Variants in ZNF136 observed in about 807,000 individuals in gnomAD.
The protein encoded by ZNF136 is zinc finger protein 136, also known as zinc finger protein 136 (clone pHZ-20).
In ZNF136, 8 loss-of-function variants were observed where a neutral mutation model predicts 11.4. The observed-to-expected ratio is 0.70, with a 90% CI of 0.41 to 1.27. The LOEUF (loss-of-function observed/expected upper bound fraction) is 1.27. Ranked by LOEUF, ZNF136 falls within the 50% of genes most tolerant of loss-of-function variation. The pLI, the probability that ZNF136 is intolerant of heterozygous loss-of-function variation, is 0.01. For synonymous variants in ZNF136, 190 were observed against 207.1 expected, an observed-to-expected ratio of 0.92 and a Z score of 0.71; for missense variants, 590 against 656.5, an observed-to-expected ratio of 0.90 and a Z score of 1.11.
At chr19:12,167,896 G>A (rs903045856) in intron 1 of ZNF136, among the ~76,000 whole-genome samples, 3 of 152,066 alleles carry the variant, frequency 2.0e-5, no homozygotes, top group African/African-American at 7.2e-5. Flanking sequence ...CAGTTAAATA[G>A]ATATGGTCAT....
intron 1 of ZNF136, chr19:12,164,952 G>A (rs1341304697): frequency 2.0e-5 from 3 of 152,148 alleles, no homozygotes; most frequent in Non-Finnish European, 4.4e-5. Flanking sequence ...ATAGCCACGC[G>A]CTTATCAATG....
intron 1 of ZNF136, among the ~76,000 whole-genome samples, chr19:12,165,647 A>G (rs1259729214): frequency 6.6e-6 from 1 of 152,204 alleles, no homozygotes; most frequent in Non-Finnish European, 1.5e-5. Context: ...ATGATGCCAA[A>G]TCTTTGATGG....
chr19:12,184,163 G>T (rs933729001), intron 1 of ZNF136, among the ~76,000 whole-genome samples: 1 of 152,144 alleles, frequency 6.6e-6, no homozygotes, highest in African/African-American at 2.4e-5. Flanking sequence ...CTCCTCGGGA[G>T]GTTGAGGCGG....
At chr19:12,164,477 C>T (rs1047340861) in intron 1 of ZNF136, among the ~76,000 whole-genome samples, 2 of 138,004 alleles carry the variant, frequency 1.4e-5, no homozygotes, top group Admixed American at 1.6e-4. Context: ...CGGAGTCTCT[C>T]TGTCGCCCAA....
chr19:12,180,842 G>A (rs1167588535), intron 1 of ZNF136, among the ~76,000 whole-genome samples: 2 of 152,220 alleles, frequency 1.3e-5, no homozygotes, highest in Non-Finnish European at 2.9e-5. Flanking sequence ...ATGGGTATCT[G>A]GAACCTGGAG....
intron 1 of ZNF136, 24 bp from the exon 2 acceptor site, chr19:12,185,761 C>T (rs756420060): frequency 6.2e-7 from 1 of 1,609,128 alleles, no homozygotes; most frequent in Admixed American, 1.7e-5. Context: ...CCATTCTCCT[C>T]TCCACATATG....
At chr19:12,177,230 T>A (rs1224360566) in intron 1 of ZNF136, among the ~76,000 whole-genome samples, 1 of 152,260 alleles carries the variant, frequency 6.6e-6, no homozygotes, top group Non-Finnish European at 1.5e-5. Flanking sequence ...ATTGAAAGGA[T>A]ATTGACCCTT....
intron 1 of ZNF136, among the ~76,000 whole-genome samples, chr19:12,178,263 A>C (rs531465926): frequency 1.3e-5 from 2 of 152,244 alleles, no homozygotes; most frequent in South Asian, 4.1e-4. Flanking sequence ...CCACTCTGTT[A>C]ATTGTTTCCT....
chr19:12,163,237 A>G lies in ZNF136; in HGVS notation c.3+31A>G, dbSNP rs371938734. 42 of 1,374,418 alleles carry G rather than the reference A, an allele frequency of 3.1e-5. No homozygotes were observed. The African/African-American group carries it at 5.9e-4, about 19-fold the overall frequency. The allele number at this position is 1,374,418 out of a possible 1,614,324, so 85.1% of individuals were successfully genotyped here. ...TGTGTCGGGCCCTGCGTCCCGAGACAGGGAGGAGGGGCTGGTTGGACGACC... is the reference window on the plus strand; with the variant it reads ...TGTGTCGGGCCCTGCGTCCCGAGACGGGGAGGAGGGGCTGGTTGGACGACC... On this transcript the variant is annotated intron_variant, in intron 1 of 3. Coordinates refer to ENST00000343979, the MANE Select transcript of ZNF136 (RefSeq NM_003437.5).
At chr19:12,165,101 T>C (rs1977167403) in intron 1 of ZNF136, among the ~76,000 whole-genome samples, 1 of 152,174 alleles carries the variant, frequency 6.6e-6, no homozygotes, top group Non-Finnish European at 1.5e-5. Context: ...AAGACGGAAA[T>C]GATTCCTGTC....
At chr19:12,185,272 T>A (rs1915053067) in intron 1 of ZNF136, 1 of 152,374 alleles carries the variant, frequency 6.6e-6, no homozygotes, top group Admixed American at 6.5e-5. Flanking sequence ...CATCTAGAGA[T>A]CGCTGTTCTT....
intron 2 of ZNF136, 27 bp from the exon 3 acceptor site, chr19:12,186,087 C>G: frequency 6.2e-7 from 1 of 1,601,876 alleles, no homozygotes. Context: ...TGCACTAATT[C>G]AGAATTTTTC....
At chr19:12,184,823 A>AT (rs1217859974) in intron 1 of ZNF136, 1 of 151,948 alleles carries the variant, frequency 6.6e-6, no homozygotes, top group Non-Finnish European at 1.5e-5. Flanking sequence ...AAATTTTCAT[A>AT]TTTTTTCCAT....
intron 1 of ZNF136, among the ~76,000 whole-genome samples, chr19:12,165,114 T>C (rs1334880900): frequency 6.6e-6 from 1 of 152,200 alleles, no homozygotes; most frequent in Non-Finnish European, 1.5e-5. Context: ...TTCCTGTCCT[T>C]TGTATTCTCT....
At chr19:12,181,195 G>A (rs923702357) in intron 1 of ZNF136, among the ~76,000 whole-genome samples, 17 of 152,316 alleles carry the variant, frequency 1.1e-4, no homozygotes, top group African/African-American at 3.8e-4. Flanking sequence ...GGGAAATGGC[G>A]AGTGTGGGAA....
chr19:12,173,976 G>T (rs1158905701), intron 1 of ZNF136, among the ~76,000 whole-genome samples: 3 of 152,098 alleles, frequency 2.0e-5, no homozygotes, highest in African/African-American at 7.2e-5. Flanking sequence ...CATGATCTCG[G>T]CTCACTGCAA....
chr19:12,182,092 C>G (rs753239655), intron 1 of ZNF136, among the ~76,000 whole-genome samples: 19 of 152,264 alleles, frequency 1.2e-4, no homozygotes, highest in South Asian at 2.1e-4. Flanking sequence ...CCTTCCTTCT[C>G]CATTAGAGAA....
At chr19:12,170,419 C>G (rs8104980) in intron 1 of ZNF136, among the ~76,000 whole-genome samples, 26,183 of 150,598 alleles carry the variant, frequency 0.17, 2,699 homozygotes, top group African/African-American at 0.28. Context: ...GGCAGGTCTT[C>G]TTCTGTTGCC....
intron 1 of ZNF136, among the ~76,000 whole-genome samples, chr19:12,178,929 C>G (rs1423704865): frequency 4.0e-5 from 6 of 150,900 alleles, no homozygotes; most frequent in Admixed American, 2.0e-4. Context: ...GCGGAGCTTG[C>G]AGTGAGCCGA....
Sources: gnomAD v4.1 joint callset for allele counts (sites outside exome capture counted in the v4.1 genomes callset) on GRCh38, gnomAD v4.1.1 for gene constraint, MANE v1.5 for transcripts, NCBI Gene and HGNC (gene_info 2026-07-23, HGNC 2026-07-21) for gene names.